Variants in ASIC2 observed in about 807,000 individuals in gnomAD.
ASIC2 encodes the protein acid-sensing ion channel 2.
ASIC2 carries 25 observed loss-of-function variants against 57.3 expected under a neutral mutation model. The ratio of observed to expected loss-of-function variants is 0.44; its 90% CI spans 0.32 to 0.61. The LOEUF (loss-of-function observed/expected upper bound fraction) is 0.61. Among genes scored for constraint, ASIC2 ranks in the 20% least tolerant of loss-of-function variants. The probability of loss-of-function intolerance (pLI) is 0.06; values close to 1 mark genes in which losing one functional copy is unlikely to be tolerated. For missense variants in ASIC2, 641 were observed against 738.1 expected, an observed-to-expected ratio of 0.87 and a Z score of 1.52; for synonymous variants, 319 against 307.5, an observed-to-expected ratio of 1.04 and a Z score of -0.39.
chr17:33,570,927 T>A (rs974824884), intron 1 of ASIC2, among the ~76,000 whole-genome samples: 2 of 152,122 alleles, frequency 1.3e-5, no homozygotes, highest in East Asian at 3.9e-4. Flanking sequence ...GCTCTGGAAC[T>A]CACCCAACAT....
chr17:33,591,026 C>T (rs568382126), intron 1 of ASIC2, among the ~76,000 whole-genome samples: 6 of 152,304 alleles, frequency 3.9e-5, no homozygotes, highest in South Asian at 2.1e-4. Context: ...TTCATTCCAA[C>T]GTGCTCAAAT....
At chr17:33,519,713 C>T (rs1424120856) in intron 1 of ASIC2, among the ~76,000 whole-genome samples, 1 of 152,130 alleles carries the variant, frequency 6.6e-6, no homozygotes, top group Non-Finnish European at 1.5e-5. Context: ...AGGAGGAGGC[C>T]TCCTTAAGGA....
intron 1 of ASIC2, among the ~76,000 whole-genome samples, chr17:33,118,510 A>G (rs994821184): frequency 1.3e-5 from 2 of 151,888 alleles, no homozygotes; most frequent in African/African-American, 4.8e-5. Flanking sequence ...TCATATCCTT[A>G]CCCCTCTCCC....
intron 1 of ASIC2, among the ~76,000 whole-genome samples, chr17:33,483,736 A>G (rs909736039): frequency 4.6e-5 from 7 of 152,224 alleles, no homozygotes; most frequent in African/African-American, 1.4e-4. Context: ...CTTATGGCCT[A>G]TAAATTGGAA....
At chr17:33,851,668 G>A (rs762002510) in intron 1 of ASIC2, among the ~76,000 whole-genome samples, 11 of 152,260 alleles carry the variant, frequency 7.2e-5, no homozygotes, top group African/African-American at 9.6e-5. Context: ...CTTATGCCTC[G>A]TAGGATATTT....
chr17:33,222,526 T>C (rs1329917508), intron 1 of ASIC2, among the ~76,000 whole-genome samples: 1 of 152,206 alleles, frequency 6.6e-6, no homozygotes, highest in Non-Finnish European at 1.5e-5. Flanking sequence ...CTACAAAACA[T>C]TGAATTGCAC....
intron 1 of ASIC2, among the ~76,000 whole-genome samples, chr17:33,273,087 A>G (rs1159397695): frequency 7.9e-5 from 12 of 152,180 alleles, no homozygotes; most frequent in South Asian, 2.1e-4. Context: ...AATGTAGGAG[A>G]AGAGATAGCT....
At chr17:34,048,980 C>T (rs1482544404) in intron 1 of ASIC2, among the ~76,000 whole-genome samples, 1 of 152,042 alleles carries the variant, frequency 6.6e-6, no homozygotes, top group Non-Finnish European at 1.5e-5. Context: ...TTGTGATGTT[C>T]TGAGGTAAGA....
chr17:33,715,929 A>G (rs1323964585), intron 1 of ASIC2, among the ~76,000 whole-genome samples: 1 of 152,160 alleles, frequency 6.6e-6, no homozygotes, highest in Non-Finnish European at 1.5e-5. Context: ...ACCTGAACTC[A>G]CAAACTCCTC....
At chr17:33,014,996 C>G (rs769040201) in intron 9 of ASIC2, among the ~76,000 whole-genome samples, 5 of 152,198 alleles carry the variant, frequency 3.3e-5, no homozygotes, top group Non-Finnish European at 7.3e-5. Flanking sequence ...GCCTTAGGAT[C>G]CAGCCAGGCC....
intron 1 of ASIC2, among the ~76,000 whole-genome samples, chr17:33,509,164 G>A (rs1232496430): frequency 1.3e-5 from 2 of 152,194 alleles, no homozygotes; most frequent in African/African-American, 2.4e-5. Flanking sequence ...TATCAAGAGA[G>A]GGGAGGAAGG....
chr17:33,184,381 C>T (rs1567776721), intron 1 of ASIC2, among the ~76,000 whole-genome samples: 1 of 152,118 alleles, frequency 6.6e-6, no homozygotes, highest in East Asian at 1.9e-4. Context: ...GTCATGAATG[C>T]CTGGAGTTCC....
At chr17:33,789,530 T>A (rs1042221654) in intron 1 of ASIC2, among the ~76,000 whole-genome samples, 12 of 151,750 alleles carry the variant, frequency 7.9e-5, no homozygotes, top group Admixed American at 7.9e-4. Context: ...GCTATGGGGA[T>A]CCCTAACTTG....
At chr17:33,269,643 C>T (rs144812652) in intron 1 of ASIC2, among the ~76,000 whole-genome samples, 10,538 of 90,132 alleles carry the variant, frequency 0.12, 679 homozygotes, top group South Asian at 0.3. Flanking sequence ...TCCTTCCTTC[C>T]TTCCTTCCTT....
chr17:33,256,813 C>A (rs1330331042), intron 1 of ASIC2, among the ~76,000 whole-genome samples: 1 of 152,102 alleles, frequency 6.6e-6, no homozygotes, highest in African/African-American at 2.4e-5. Context: ...GCCTGGGCAA[C>A]AGAGTGAGAC....
intron 1 of ASIC2, among the ~76,000 whole-genome samples, chr17:33,871,836 A>G (rs1914420114): frequency 6.6e-6 from 1 of 152,088 alleles, no homozygotes; most frequent in South Asian, 2.1e-4. Flanking sequence ...CTGGGCGCTG[A>G]GTCATGGCAA....
intron 1 of ASIC2, among the ~76,000 whole-genome samples, chr17:33,912,007 G>A (rs1488340443): frequency 6.6e-6 from 1 of 151,812 alleles, no homozygotes; most frequent in Non-Finnish European, 1.5e-5. Flanking sequence ...GGGCGTGGTG[G>A]TGTATGCCTG....
intron 3 of ASIC2, among the ~76,000 whole-genome samples, chr17:33,041,926 C>T (rs952233131): frequency 6.6e-6 from 1 of 152,142 alleles, no homozygotes; most frequent in Non-Finnish European, 1.5e-5. Context: ...TGTGAGGTCC[C>T]CCTGTTTCTA....
intron 1 of ASIC2, among the ~76,000 whole-genome samples, chr17:33,674,122 C>T (rs773076648): frequency 1.6e-4 from 25 of 152,010 alleles, no homozygotes; most frequent in Non-Finnish European, 2.9e-4. Flanking sequence ...CTTGATCTCT[C>T]GACTTCGTGA....
Sources: allele counts gnomAD v4.1 joint callset (sites outside exome capture counted in the v4.1 genomes callset), GRCh38; gene constraint gnomAD v4.1.1; transcripts MANE v1.5; gene names NCBI Gene and HGNC (gene_info 2026-07-23, HGNC 2026-07-21).